SLC44A5: variants seen among roughly 807,000 people sequenced by gnomAD.
SLC44A5 encodes solute carrier family 44 member 5.
SLC44A5 carries 57 observed loss-of-function variants against 101.8 expected under a neutral mutation model. The ratio of observed to expected loss-of-function variants is 0.56; its 90% confidence interval spans 0.45 to 0.70. The LOEUF (loss-of-function observed/expected upper bound fraction) is 0.70, where lower values mean the gene tolerates loss of function less well. Among genes scored for constraint, SLC44A5 ranks in the 30% least tolerant of loss-of-function variants. The pLI is 0.00. For missense variants in SLC44A5, 737 were observed against 853.1 expected, an observed-to-expected ratio of 0.86 and a Z score of 1.70; for synonymous variants, 281 against 290.9, an observed-to-expected ratio of 0.97 and a Z score of 0.35.
intron 1 of SLC44A5, among the ~76,000 whole-genome samples, chr1:75,605,761 T>G (rs1035881529): frequency 6.6e-6 from 1 of 152,062 alleles, no homozygotes; most frequent in Non-Finnish European, 1.5e-5. Context: ...TGAACCCTAA[T>G]CATTTATTTA....
At chr1:75,335,618 GATC>G (rs1304329415) in intron 4 of SLC44A5, among the ~76,000 whole-genome samples, 2 of 152,104 alleles carry the variant, frequency 1.3e-5, no homozygotes, top group Non-Finnish European at 2.9e-5. Flanking sequence ...AGAGTTGTTT[GATC>G]ATCATTTGTA....
At chr1:75,371,212 T>C (rs1419357920) in intron 3 of SLC44A5, among the ~76,000 whole-genome samples, 1 of 152,240 alleles carries the variant, frequency 6.6e-6, no homozygotes, top group Admixed American at 6.5e-5. Context: ...TCAAAATTTA[T>C]TTTTAATTAA....
intron 5 of SLC44A5, among the ~76,000 whole-genome samples, chr1:75,285,642 A>G (rs1050058368): frequency 3.3e-5 from 5 of 152,014 alleles, no homozygotes; most frequent in Admixed American, 6.6e-5. Context: ...CTTTTGCTGT[A>G]TCCCAGAGGT....
At chr1:75,300,312 A>C (rs1004698737) in intron 5 of SLC44A5, among the ~76,000 whole-genome samples, 8 of 152,176 alleles carry the variant, frequency 5.3e-5, no homozygotes, top group Admixed American at 1.3e-4. Context: ...GAACATAATT[A>C]GTTGCTTATT....
chr1:75,259,919 C>T (rs1051920131), intron 6 of SLC44A5, among the ~76,000 whole-genome samples: 1 of 152,066 alleles, frequency 6.6e-6, no homozygotes, highest in Non-Finnish European at 1.5e-5. Flanking sequence ...AATTTCATAT[C>T]CAGCCAAACT....
Position 75,203,668 on chromosome 1 carries a change from A to G in SLC44A5, c.*59T>C. ...AAAGCACTTATGAAACAAATGTTGCACAGACACAGCAGATGGAGAAAAGGT... is the reference window on the plus strand; with the variant it reads ...AAAGCACTTATGAAACAAATGTTGCGCAGACACAGCAGATGGAGAAAAGGT... On this transcript the variant is annotated 3_prime_UTR_variant, in exon 24 of 24. Transcript: ENST00000370859. 4.0e-6 allele frequency: 6 copies of G among 1,501,822 alleles called. No homozygotes were observed. Among genetic ancestry groups the G allele is most frequent in the Non-Finnish European group, 5.3e-6 (6 of 1,124,892 alleles). 93.0% of individuals were successfully genotyped at this position (1,501,822 alleles called of 1,614,324 possible).
At chr1:75,386,607 T>G (rs1557729609) in intron 3 of SLC44A5, among the ~76,000 whole-genome samples, 1 of 152,182 alleles carries the variant, frequency 6.6e-6, no homozygotes, top group South Asian at 2.1e-4. Flanking sequence ...GTAGGAAAAG[T>G]CAATATCGTG....
intron 1 of SLC44A5, among the ~76,000 whole-genome samples, chr1:75,604,147 T>TCTTACATTTAAA (rs1553214855): frequency 1.3e-5 from 2 of 152,258 alleles, no homozygotes; most frequent in African/African-American, 4.8e-5. Flanking sequence ...TAGTTTGAAG[T>TCTTACATTTAAA]CTTACATTTA....
chr1:75,723,663 C>T, the SLC44A5 span: 1 of 152,306 alleles, frequency 6.6e-6, no homozygotes, highest in South Asian at 2.1e-4. Context: ...TTGTGTTTTA[C>T]TTACCACCAC....
intron 2 of SLC44A5, among the ~76,000 whole-genome samples, chr1:75,508,000 C>A (rs1192113643): frequency 1.3e-5 from 2 of 152,072 alleles, no homozygotes; most frequent in Non-Finnish European, 2.9e-5. Flanking sequence ...AAATTCTGGA[C>A]TTAAATTTAA....
At chr1:75,366,295 T>C (rs1256042732) in intron 3 of SLC44A5, among the ~76,000 whole-genome samples, 6 of 152,214 alleles carry the variant, frequency 3.9e-5, no homozygotes, top group African/African-American at 1.4e-4. Flanking sequence ...AAAACTTCTC[T>C]AGGTGTAGCA....
chr1:75,505,367 G>C (rs1669193981), intron 2 of SLC44A5, among the ~76,000 whole-genome samples: 1 of 151,954 alleles, frequency 6.6e-6, no homozygotes, highest in African/African-American at 2.4e-5. Flanking sequence ...TTTTTCTTTG[G>C]GATACTAATG....
chr1:75,478,580 A>G (rs1048309344), intron 2 of SLC44A5, among the ~76,000 whole-genome samples: 1 of 152,040 alleles, frequency 6.6e-6, no homozygotes, highest in Non-Finnish European at 1.5e-5. Flanking sequence ...ATGGAAAACA[A>G]AAAAAGGCAG....
At chr1:75,237,174 G>T (rs1392703781) in intron 10 of SLC44A5, 104 bp from the exon 11 acceptor site, 1 of 634,058 alleles carries the variant, frequency 1.6e-6, no homozygotes, top group Non-Finnish European at 2.8e-6. Context: ...TTGAAAGCAT[G>T]TTTTCAGAAA....
At chr1:75,719,276 T>C in the SLC44A5 span, among the ~76,000 whole-genome samples, 1 of 152,202 alleles carries the variant, frequency 6.6e-6, no homozygotes, top group South Asian at 2.1e-4. Flanking sequence ...GCTTCTGGCG[T>C]TGAGGCTTTA....
intron 1 of SLC44A5, among the ~76,000 whole-genome samples, chr1:75,566,514 A>G (rs1356588665): frequency 6.6e-6 from 1 of 152,234 alleles, no homozygotes; most frequent in Non-Finnish European, 1.5e-5. Context: ...GCTAAAAGGT[A>G]AATATTTTTA....
chr1:75,220,181 C>T (rs1438430294), intron 14 of SLC44A5, among the ~76,000 whole-genome samples: 1 of 152,006 alleles, frequency 6.6e-6, no homozygotes, highest in Admixed American at 6.6e-5. Flanking sequence ...TTCTTCCTTT[C>T]GTTTAGATTC....
In SLC44A5 at chr1:75,490,809, C is replaced by G. The variant is rs1387686804; in HGVS notation, c.13+50626G>C. On this transcript the variant is annotated intron_variant, in intron 2 of 23. Transcript: ENST00000370859. ...GGTCAGGGAGAGACACATTCAAGAA[C>G]AGTGTAATTCTTTACATGGGTTAGT... Among the ~76,000 whole-genome samples the G allele has an allele frequency of 2.6e-5, 4 of 152,048 alleles. No individual in the cohort carries two copies. In the East Asian group the frequency reaches 7.7e-4, roughly 29 times the overall value.
At chr1:75,527,398 C>T (rs1670479599) in intron 2 of SLC44A5, among the ~76,000 whole-genome samples, 1 of 144,178 alleles carries the variant, frequency 6.9e-6, no homozygotes, top group Admixed American at 6.9e-5. Flanking sequence ...CTGTATGGGT[C>T]AGATGTGTCA....
Sources: gnomAD v4.1 joint callset for allele counts (sites outside exome capture counted in the v4.1 genomes callset) on GRCh38, gnomAD v4.1.1 for gene constraint, MANE v1.5 for transcripts, NCBI Gene and HGNC (gene_info 2026-07-23, HGNC 2026-07-21) for gene names.